ADIG: variants seen among roughly 807,000 people sequenced by gnomAD.
The protein encoded by ADIG is adipogenin.
Under a neutral mutation model 10.7 loss-of-function variants are expected in ADIG, and 12 were observed. The observed-to-expected ratio is 1.12, with a 90% CI of 0.72 to 1.82. The LOEUF is 1.82. ADIG is among the 40% of genes most tolerant of loss of function. The pLI, the probability that ADIG is intolerant of heterozygous loss-of-function variation, is 0.00. For synonymous variants in ADIG, 32 were observed against 35.6 expected (o/e 0.90, Z 0.36); for missense variants, 72 against 92.5 (o/e 0.78, Z 0.91).
intron 2 of ADIG, among the ~76,000 whole-genome samples, 197 bp from the exon 3 acceptor site, chr20:38,587,904 A>G (rs1357885184): frequency 6.6e-6 from 1 of 151,726 alleles, no homozygotes; most frequent in South Asian, 2.1e-4. Flanking sequence ...CGCCCGGCTA[A>G]TTTTTCTATT....
chr20:38,581,881 T>C (rs1208167827), intron 1 of ADIG, among the ~76,000 whole-genome samples: 14 of 152,238 alleles, frequency 9.2e-5, no homozygotes. Context: ...GACCACTCAC[T>C]GTTTCTGCCT....
At chr20:38,582,659 TC>T (rs2088599662) in intron 1 of ADIG, among the ~76,000 whole-genome samples, 1 of 152,092 alleles carries the variant, frequency 6.6e-6, no homozygotes, top group Non-Finnish European at 1.5e-5. Flanking sequence ...TAAAGTATAT[TC>T]TCCTCATAGT....
rs142271455 is a variant in ADIG, at chr20:38,582,534, T to G, written c.124+1160T>G. 6.2e-3 allele frequency among the ~76,000 whole-genome samples: 937 copies of G among 152,308 alleles called. 11 individuals are homozygous for G. The highest frequency in any genetic ancestry group is 0.021 in the African/African-American group (883 of 41,568). On this transcript the variant is annotated intron_variant, in intron 1 of 2. Transcript: ENST00000537425. ...TTGTTGAGGCAGGGTGAGAAGTCCC[T>G]CCCCACACCCCTGCTAGCCCCATGA...
chr20:38,585,957 G>A lies in ADIG; in HGVS notation c.125-72G>A, dbSNP rs1035640713. ...TGCAGGGATACCCAGGCCTGGCAGG[G>A]GACTCCTTCCTGGGTCAGGGGTAGG... On this transcript the variant is annotated intron_variant, in intron 1 of 2. Transcript: ENST00000537425. 2.8e-5 allele frequency: 40 copies of A among 1,438,500 alleles called. No individual in the cohort carries two copies. The East Asian group carries it at 9.9e-4, about 36-fold the overall frequency. The allele number at this position is 1,438,500 out of a possible 1,614,324, so 89.1% of individuals were successfully genotyped here. A position where few individuals can be genotyped will look rare whatever the true frequency, so the allele number is the denominator to read the frequency against.
chr20:38,587,007 T>C (rs757748547), intron 2 of ADIG, among the ~76,000 whole-genome samples: 21 of 152,036 alleles, frequency 1.4e-4, no homozygotes, highest in African/African-American at 2.2e-4. Flanking sequence ...AAAATGTGTG[T>C]GTCTCATCTA....
chr20:38,582,643 T>C (rs2145577607), intron 1 of ADIG, among the ~76,000 whole-genome samples: 1 of 152,270 alleles, frequency 6.6e-6, no homozygotes, highest in South Asian at 2.1e-4. Context: ...CTAGAAAGTG[T>C]TTATTTAAAG....
intron 1 of ADIG, among the ~76,000 whole-genome samples, chr20:38,583,733 A>G (rs1450512965): frequency 6.6e-6 from 1 of 152,050 alleles, no homozygotes; most frequent in East Asian, 1.9e-4. Flanking sequence ...ACCATCCACA[A>G]CCTACCCCAC....
rs1569000961 is a variant in ADIG, at chr20:38,585,892, G to A, written c.125-137G>A. ...AAGTCTTCCTGAGGCCTCAAGGCTGGCTCATAGGATTCTGCCTTGGCCCTA... is the reference window on the plus strand; with the variant it reads ...AAGTCTTCCTGAGGCCTCAAGGCTGACTCATAGGATTCTGCCTTGGCCCTA... On this transcript the variant is annotated intron_variant, in intron 1 of 2. Transcript: ENST00000537425. 9 of 825,810 alleles carry A rather than the reference G, an allele frequency of 1.1e-5. No individual in the cohort carries two copies. The East Asian group carries it at 2.4e-4, about 22-fold the overall frequency. 51.2% of individuals were successfully genotyped at this position (825,810 alleles called of 1,614,324 possible).
chr20:38,585,829 C>T (rs925526562), intron 1 of ADIG, 200 bp from the exon 2 acceptor site: 1 of 621,996 alleles, frequency 1.6e-6, no homozygotes, highest in African/African-American at 1.8e-5. Context: ...ACAGGAGCAG[C>T]CTTCTTTCTT....
intron 1 of ADIG, among the ~76,000 whole-genome samples, chr20:38,584,956 T>C (rs1345221661): frequency 6.6e-6 from 1 of 152,228 alleles, no homozygotes; most frequent in Non-Finnish European, 1.5e-5. Context: ...TTTTGTACTT[T>C]TAGTAGAGAC....
intron 1 of ADIG, among the ~76,000 whole-genome samples, chr20:38,582,659 TCTC>T (rs2088599680): frequency 6.6e-6 from 1 of 152,208 alleles, no homozygotes; most frequent in African/African-American, 2.4e-5. Flanking sequence ...TAAAGTATAT[TCTC>T]CTCATAGTCC....
Position 38,588,160 on chromosome 20 carries a change from GC to G in ADIG, c.*76del. The G allele has an allele frequency of 1.6e-6, 2 of 1,283,746 alleles. No homozygotes were observed. Among genetic ancestry groups the G allele is most frequent in the Non-Finnish European group, 2.0e-6 (2 of 980,058 alleles). 79.5% of individuals were successfully genotyped at this position (1,283,746 alleles called of 1,614,324 possible). A position where few individuals can be genotyped will look rare whatever the true frequency, so the allele number is the denominator to read the frequency against. On this transcript the variant is annotated 3_prime_UTR_variant, in exon 3 of 3. Transcript: ENST00000537425. The stretch of plus-strand genomic sequence containing the variant: ...TGGCAGAAGTGGATGGGAGAGACTT[GC>G]CAGGGAGGCAAGAGGACTTTGGCAA...
At chr20:38,586,719 A>ATATTAT (rs145507282) in intron 2 of ADIG, among the ~76,000 whole-genome samples, 6 of 151,752 alleles carry the variant, frequency 4.0e-5, no homozygotes, top group South Asian at 2.1e-4. Context: ...GGATGACATG[A>ATATTAT]TATTATTATT....
intron 1 of ADIG, among the ~76,000 whole-genome samples, chr20:38,584,980 G>A (rs1339149463): frequency 6.6e-6 from 1 of 152,222 alleles, no homozygotes; most frequent in Non-Finnish European, 1.5e-5. Flanking sequence ...GTTTCGCCAT[G>A]TTGGCCAGGA....
At chr20:38,586,190 C>A (rs1339861339) in intron 2 of ADIG, 29 bp downstream of exon 2, 2 of 1,539,602 alleles carry the variant, frequency 1.3e-6, no homozygotes, top group African/African-American at 1.4e-5. Context: ...CCAGGGGGAG[C>A]CTCAAGGCCC....
At chr20:38,585,563 G>A (rs935998159) in intron 1 of ADIG, 49 of 1,539,940 alleles carry the variant, frequency 3.2e-5, no homozygotes, top group Admixed American at 2.6e-4. Context: ...CAGATCTCTC[G>A]TGATCTGTGG....
At position 38,585,999 on chromosome 20, in the gene ADIG, T is replaced by A. The variant is rs568030826; in HGVS notation, c.125-30T>A. 8.4e-5 allele frequency: 131 copies of A among 1,568,194 alleles called. No individual in the cohort carries two copies. In the African/African-American group the frequency reaches 1.6e-3, roughly 19 times the overall value. On this transcript the variant is annotated intron_variant, in intron 1 of 2. Coordinates refer to ENST00000537425, the MANE Select transcript of ADIG (RefSeq NM_001393816.1). ...AGGGGTAGGAGACAGGATGTGACCATCCAAGAGGCCTTGCCTCGTATCTCC... is the reference window on the plus strand; with the variant it reads ...AGGGGTAGGAGACAGGATGTGACCAACCAAGAGGCCTTGCCTCGTATCTCC...
At chr20:38,585,888 G>T (rs778351319) in intron 1 of ADIG, 141 bp from the exon 2 acceptor site, 7 of 801,464 alleles carry the variant, frequency 8.7e-6, no homozygotes, top group East Asian at 2.7e-5. Context: ...AGGCCTCAAG[G>T]CTGGCTCATA....
intron 1 of ADIG, 103 bp downstream of exon 1, chr20:38,581,477 A>T: frequency 1.3e-6 from 2 of 1,482,640 alleles, no homozygotes; most frequent in Non-Finnish European, 1.8e-6. Context: ...GGCTTCCTTC[A>T]GTCATTTTAA....
Sources: gnomAD v4.1 joint callset for allele counts (sites outside exome capture counted in the v4.1 genomes callset) on GRCh38, gnomAD v4.1.1 for gene constraint, MANE v1.5 for transcripts, NCBI Gene and HGNC (gene_info 2026-07-23, HGNC 2026-07-21) for gene names.